The following STK33 variants were observed in gnomAD, a reference collection of about 807,000 sequenced individuals.
STK33 encodes the protein serine/threonine-protein kinase 33.
STK33 carries 52 observed loss-of-function variants against 58.0 expected under a neutral mutation model. The ratio of observed to expected loss-of-function variants is 0.90; its 90% CI spans 0.72 to 1.13. The LOEUF is 1.13. Among genes scored for constraint, STK33 ranks in the 50% most tolerant of loss-of-function variants. The pLI, the probability that STK33 is intolerant of heterozygous loss-of-function variation, is 0.00. For missense variants in STK33, 630 were observed against 604.2 expected (o/e 1.04, Z -0.45); for synonymous variants, 215 against 200.1 (o/e 1.07, Z -0.63).
intron 14 of STK33, among the ~76,000 whole-genome samples, chr11:8,419,415 C>T (rs551502504): frequency 3.4e-4 from 52 of 152,168 alleles, no homozygotes; most frequent in African/African-American, 1.1e-3. Flanking sequence ...TATTTCTGGG[C>T]TCTCTATTCT....
chr11:8,346,307 C>T, the STK33 span, among the ~76,000 whole-genome samples: 2 of 152,006 alleles, frequency 1.3e-5, no homozygotes, highest in African/African-American at 4.8e-5. Context: ...GGTGACCCTG[C>T]GGGGTGGGAG....
intron 1 of STK33, among the ~76,000 whole-genome samples, chr11:8,579,201 T>C (rs1457674792): frequency 6.6e-6 from 1 of 152,008 alleles, no homozygotes; most frequent in South Asian, 2.1e-4. Flanking sequence ...AGAGTAGGGA[T>C]TTTGTGAGCA....
At chr11:8,481,381 G>A (rs1249776620) in intron 1 of STK33, among the ~76,000 whole-genome samples, 2 of 152,184 alleles carry the variant, frequency 1.3e-5, no homozygotes, top group Non-Finnish European at 2.9e-5. Context: ...CTCCAGGGCA[G>A]GAACCATGTC....
chr11:8,348,480 A>G, the STK33 span, among the ~76,000 whole-genome samples: 1 of 152,220 alleles, frequency 6.6e-6, no homozygotes, highest in East Asian at 1.9e-4. Flanking sequence ...GGAGAACAGC[A>G]GCATGAGGGT....
At chr11:8,535,999 C>CA (rs1291494633) in intron 1 of STK33, among the ~76,000 whole-genome samples, 6 of 152,018 alleles carry the variant, frequency 3.9e-5, no homozygotes, top group Non-Finnish European at 7.4e-5. Context: ...AAGCCAGGCA[C>CA]AAAAAGGCAA....
At chr11:8,347,006 T>C in the STK33 span, among the ~76,000 whole-genome samples, 1 of 152,094 alleles carries the variant, frequency 6.6e-6, no homozygotes, top group Non-Finnish European at 1.5e-5. Context: ...GGGAAGGGAG[T>C]AGGGGAAATA....
At chr11:8,523,665 G>A (rs1953741681) in intron 1 of STK33, among the ~76,000 whole-genome samples, 1 of 150,658 alleles carries the variant, frequency 6.6e-6, no homozygotes, top group Non-Finnish European at 1.5e-5. Flanking sequence ...GAGGTGGGGG[G>A]CAGCCCCCGC....
At chr11:8,505,008 T>C (rs999606606) in intron 1 of STK33, among the ~76,000 whole-genome samples, 7 of 152,182 alleles carry the variant, frequency 4.6e-5, no homozygotes, top group African/African-American at 1.7e-4. Flanking sequence ...ACAGCAGTGA[T>C]GGCAGCTTAA....
chr11:8,386,978 G>A (rs1340345989), downstream of STK33, among the ~76,000 whole-genome samples: 1 of 152,228 alleles, frequency 6.6e-6, no homozygotes, highest in Non-Finnish European at 1.5e-5. Context: ...CCTGAGGAAA[G>A]AACGGAGCCT....
intron 15 of STK33, among the ~76,000 whole-genome samples, chr11:8,399,760 G>A (rs1850049626): frequency 6.6e-6 from 1 of 152,082 alleles, no homozygotes. Context: ...GAATCAAATA[G>A]ATGCAACAAA....
chr11:8,549,058 A>G (rs944583501), intron 1 of STK33, among the ~76,000 whole-genome samples: 13 of 152,096 alleles, frequency 8.5e-5, no homozygotes, highest in Non-Finnish European at 1.9e-4. Flanking sequence ...AAACCTAAAG[A>G]CTCCACCAAA....
intron 1 of STK33, among the ~76,000 whole-genome samples, chr11:8,518,171 A>G (rs571546907): frequency 4.6e-5 from 7 of 152,210 alleles, no homozygotes; most frequent in Admixed American, 6.5e-5. Context: ...GCCAGAAGAG[A>G]GTGGGGGCAA....
chr11:8,430,161 T>C (rs2136131802), intron 14 of STK33, among the ~76,000 whole-genome samples: 1 of 152,260 alleles, frequency 6.6e-6, no homozygotes, highest in African/African-American at 2.4e-5. Context: ...TTCAACATAA[T>C]TTCCCACTAC....
intron 1 of STK33, among the ~76,000 whole-genome samples, chr11:8,508,891 C>A (rs570342103): frequency 6.6e-6 from 1 of 152,166 alleles, no homozygotes; most frequent in South Asian, 2.1e-4. Context: ...CCGAGGTGAG[C>A]AGATCACCTG....
At chr11:8,344,693 C>G in the STK33 span, among the ~76,000 whole-genome samples, 1 of 152,216 alleles carries the variant, frequency 6.6e-6, no homozygotes, top group African/African-American at 2.4e-5. Flanking sequence ...CAGTTAGAAG[C>G]TATATTTCCT....
chr11:8,476,381 G>T (rs1375425324), intron 4 of STK33, among the ~76,000 whole-genome samples: 2 of 152,176 alleles, frequency 1.3e-5, no homozygotes, highest in African/African-American at 4.8e-5. Context: ...GTAAGCTTAA[G>T]AAACAGAAAT....
At chr11:8,469,231 C>A (rs771743332) in intron 6 of STK33, among the ~76,000 whole-genome samples, 8 of 152,218 alleles carry the variant, frequency 5.3e-5, no homozygotes, top group Non-Finnish European at 1.2e-4. Flanking sequence ...TTAGTCCTCT[C>A]AAACCCTGCC....
intron 2 of STK33, 128 bp from the exon 3 acceptor site, chr11:8,477,411 T>G (rs959261618): frequency 6.6e-6 from 1 of 152,148 alleles, no homozygotes; most frequent in African/African-American, 2.4e-5. Flanking sequence ...CTCTCTGAGG[T>G]GTAGAGAAGT....
chr11:8,441,314 G>A (rs1482404224), intron 11 of STK33, among the ~76,000 whole-genome samples: 2 of 151,640 alleles, frequency 1.3e-5, no homozygotes, highest in African/African-American at 2.4e-5. Flanking sequence ...CTAGTCACAG[G>A]ACATAGACTA....
Sources: allele counts gnomAD v4.1 joint callset (sites outside exome capture counted in the v4.1 genomes callset), GRCh38; gene constraint gnomAD v4.1.1; transcripts MANE v1.5; gene names NCBI Gene and HGNC (gene_info 2026-07-23, HGNC 2026-07-21).